The following RAB39A variants were observed in gnomAD, a reference collection of about 807,000 sequenced individuals.
The protein encoded by RAB39A is ras-related protein Rab-39A.
A neutral mutation model predicts 20.9 loss-of-function variants in RAB39A; 17 were observed. That is an observed-to-expected ratio of 0.81 (90% CI 0.56 to 1.22). The LOEUF (loss-of-function observed/expected upper bound fraction) is 1.22. RAB39A is among the 50% of genes most tolerant of loss of function. The probability of loss-of-function intolerance (pLI) is 0.00; values close to 1 mark genes in which losing one functional copy is unlikely to be tolerated. For synonymous variants in RAB39A, 99 were observed against 103.4 expected (o/e 0.96, Z 0.26); for missense variants, 234 against 270.5 (o/e 0.87, Z 0.95).
At chr11:107,941,511 T>C (rs1164302059) in intron 1 of RAB39A, among the ~76,000 whole-genome samples, 1 of 152,198 alleles carries the variant, frequency 6.6e-6, no homozygotes, top group African/African-American at 2.4e-5. Flanking sequence ...AAAGATCTAA[T>C]AGCTCTTGAG....
chr11:107,953,513 A>G (rs199884338), intron 1 of RAB39A, among the ~76,000 whole-genome samples: 1 of 151,746 alleles, frequency 6.6e-6, no homozygotes, highest in African/African-American at 2.4e-5. Flanking sequence ...CTGCCTGCTC[A>G]CCCCCTGCCA....
chr11:107,955,421 G>A (rs1185683242), intron 1 of RAB39A, among the ~76,000 whole-genome samples: 5 of 152,292 alleles, frequency 3.3e-5, no homozygotes, highest in African/African-American at 1.2e-4. Flanking sequence ...GATGGACCAT[G>A]GGCCAAGTGG....
intron 1 of RAB39A, among the ~76,000 whole-genome samples, chr11:107,958,989 G>A (rs1861467914): frequency 6.6e-6 from 1 of 151,844 alleles, no homozygotes; most frequent in African/African-American, 2.4e-5. Context: ...GCATGGTGGT[G>A]GGCGCCTGTA....
chr11:107,932,279 T>C (rs1249969322), intron 1 of RAB39A, among the ~76,000 whole-genome samples: 1 of 152,216 alleles, frequency 6.6e-6, no homozygotes, highest in Non-Finnish European at 1.5e-5. Flanking sequence ...TATGTGAACA[T>C]AACTGTAGAT....
intron 1 of RAB39A, among the ~76,000 whole-genome samples, chr11:107,937,200 A>G (rs1055302374): frequency 4.6e-5 from 7 of 152,072 alleles, no homozygotes; most frequent in African/African-American, 1.7e-4. Context: ...CAGTGGCACA[A>G]TCATAGCTCA....
intron 1 of RAB39A, among the ~76,000 whole-genome samples, chr11:107,947,079 G>A (rs950085594): frequency 4.0e-5 from 6 of 151,686 alleles, no homozygotes; most frequent in African/African-American, 1.5e-4. Context: ...AGGACAAAAA[G>A]ACAGTGACTT....
chr11:107,947,143 G>T (rs893329507), intron 1 of RAB39A, among the ~76,000 whole-genome samples: 1 of 151,112 alleles, frequency 6.6e-6, no homozygotes, highest in Non-Finnish European at 1.5e-5. Flanking sequence ...ACTCTGTCAC[G>T]CAGGCTGGAG....
intron 1 of RAB39A, among the ~76,000 whole-genome samples, chr11:107,952,983 A>G (rs1335216217): frequency 6.6e-6 from 1 of 152,254 alleles, no homozygotes; most frequent in Non-Finnish European, 1.5e-5. Flanking sequence ...TCACAGAAGC[A>G]GAAAGTGGAA....
At chr11:107,947,394 A>C (rs1466795480) in intron 1 of RAB39A, among the ~76,000 whole-genome samples, 1 of 152,190 alleles carries the variant, frequency 6.6e-6, no homozygotes, top group Non-Finnish European at 1.5e-5. Flanking sequence ...GGTATGAGCC[A>C]CCGCGCCTGG....
chr11:107,929,262 G>A (rs751684837), intron 1 of RAB39A, among the ~76,000 whole-genome samples: 2 of 152,194 alleles, frequency 1.3e-5, no homozygotes, highest in South Asian at 4.1e-4. Context: ...GCGAGGGAGG[G>A]TTCCCAGATT....
intron 1 of RAB39A, among the ~76,000 whole-genome samples, chr11:107,949,900 C>T (rs1045166084): frequency 7.2e-5 from 11 of 151,978 alleles, no homozygotes; most frequent in East Asian, 1.9e-4. Context: ...TGGCCGGGCG[C>T]GGTGGCTCAC....
At chr11:107,950,838 CTG>C (rs112484401) in intron 1 of RAB39A, among the ~76,000 whole-genome samples, 3 of 150,248 alleles carry the variant, frequency 2.0e-5, no homozygotes, top group African/African-American at 7.3e-5. Context: ...ACAAAATAAA[CTG>C]TAAAAATTAT....
At chr11:107,954,793 C>A (rs1861416418) in intron 1 of RAB39A, among the ~76,000 whole-genome samples, 1 of 152,014 alleles carries the variant, frequency 6.6e-6, no homozygotes, top group South Asian at 2.1e-4. Flanking sequence ...ACCGCATATT[C>A]CTTCCTATAT....
intron 1 of RAB39A, among the ~76,000 whole-genome samples, chr11:107,943,429 G>C (rs1367710043): frequency 6.6e-6 from 1 of 152,074 alleles, no homozygotes; most frequent in Non-Finnish European, 1.5e-5. Context: ...AAATTAGCCA[G>C]GTGTGGTGGC....
chr11:107,929,718 T>C (rs1861117661), intron 1 of RAB39A, among the ~76,000 whole-genome samples: 1 of 152,188 alleles, frequency 6.6e-6, no homozygotes, highest in African/African-American at 2.4e-5. Flanking sequence ...AGGCGACTTG[T>C]GTAAATAAAA....
intron 1 of RAB39A, among the ~76,000 whole-genome samples, chr11:107,946,315 T>TATAC (rs1311488391): frequency 1.1e-5 from 1 of 93,458 alleles, no homozygotes; most frequent in Admixed American, 1.0e-4. Context: ...ATACTATATA[T>TATAC]ATATATATAT....
chr11:107,959,079 C>T (rs1314511320), intron 1 of RAB39A, among the ~76,000 whole-genome samples: 1 of 151,340 alleles, frequency 6.6e-6, no homozygotes, highest in Non-Finnish European at 1.5e-5. Flanking sequence ...AAGATTGTGC[C>T]ATTGCATTCC....
intron 1 of RAB39A, among the ~76,000 whole-genome samples, chr11:107,950,764 T>TAAAAAAAAA (rs5794581): frequency 2.3e-5 from 3 of 131,344 alleles, no homozygotes; most frequent in African/African-American, 8.7e-5. Context: ...AGACCCTGTC[T>TAAAAAAAAA]AAAAAAAAAA....
chr11:107,928,808 G>T lies in RAB39A; in HGVS notation c.227+13G>T. The T allele has an allele frequency of 6.6e-7, 1 of 1,510,010 alleles. No homozygotes were observed. The highest frequency in any genetic ancestry group is 2.5e-5 in the East Asian group (1 of 40,204). The allele number at this position is 1,510,010 out of a possible 1,614,324, so 93.5% of individuals were successfully genotyped here. ...AGGAGCGGTTCAGGTAGGGACCCCG[G>T]GGACCTTGGGCACCGCGCCGCCCCC... On this transcript the variant is annotated intron_variant, in intron 1 of 1. Transcript: ENST00000320578. This position sits in a 1 kb window ranked among gnomAD's most constrained non-coding sequence, Gnocchi z 4.9.
Sources: allele counts gnomAD v4.1 joint callset (sites outside exome capture counted in the v4.1 genomes callset), GRCh38; gene constraint gnomAD v4.1.1; non-coding constraint Gnocchi (gnomAD v3.1); transcripts MANE v1.5; gene names NCBI Gene and HGNC (gene_info 2026-07-23, HGNC 2026-07-21).